PLEKHH1: variants seen among roughly 807,000 people sequenced by gnomAD.
PLEKHH1 encodes pleckstrin homology, MyTH4 and FERM domain containing H1, also known as pleckstrin homology domain-containing family H member 1.
PLEKHH1 carries 104 observed loss-of-function variants against 160.0 expected under a neutral mutation model. The observed-to-expected ratio is 0.65, with a 90% CI of 0.55 to 0.76. PLEKHH1 has a LOEUF of 0.76. Among genes scored for constraint, PLEKHH1 ranks in the 30% least tolerant of loss-of-function variants. The pLI is 0.00. For missense variants in PLEKHH1, 1,427 were observed against 1,724.1 expected (o/e 0.83, Z 3.05); for synonymous variants, 619 against 678.4 (o/e 0.91, Z 1.36).
At chr14:67,564,836 G>A (rs1229650540) in intron 7 of PLEKHH1, among the ~76,000 whole-genome samples, 9 of 151,912 alleles carry the variant, frequency 5.9e-5, no homozygotes, top group African/African-American at 1.7e-4. Context: ...CTACAGGCAT[G>A]CACCACCATG....
rs778748352 is a variant in PLEKHH1 at position 67,582,095 on chromosome 14, G to A, written c.3311G>A (p.Gly1104Glu). 2 of 1,612,366 alleles carry A rather than the reference G, an allele frequency of 1.2e-6. No individual in the cohort carries two copies. The highest frequency in any genetic ancestry group is 1.7e-6 in the Non-Finnish European group (2 of 1,179,406). ...NRLYFRSQVK[G>E]ETDRERLLLA... ...CTGTACTTTCGCAGTCAAGTCAAAG[G>A]GGAGACGGACCGAGAACGGCTGCTC... The change falls in exon 24 of 29, where the codon GGG becomes GAG. Residue 1104 changes from glycine to glutamate, a missense_variant. Gly to Glu is a moderately conservative substitution (Grantham distance 98). Around this residue, in one of 6 missense-constraint regions of PLEKHH1, gnomAD observed 436 missense variants for 607.5 expected, o/e 0.72. Transcript: ENST00000329153. This position sits in a 1 kb window ranked among gnomAD's most constrained non-coding sequence, Gnocchi z 5.0.
At chr14:67,538,235 A>G (rs2033819326) in intron 1 of PLEKHH1, among the ~76,000 whole-genome samples, 1 of 152,194 alleles carries the variant, frequency 6.6e-6, no homozygotes, top group South Asian at 2.1e-4. Context: ...GATATCTGCT[A>G]CCACTACTGA....
intron 1 of PLEKHH1, among the ~76,000 whole-genome samples, chr14:67,540,869 C>A (rs978283776): frequency 6.6e-6 from 1 of 152,292 alleles, no homozygotes; most frequent in African/African-American, 2.4e-5. Flanking sequence ...ATGCATCCTT[C>A]TTCCTTTTCT....
At chr14:67,569,774 G>A in intron 8 of PLEKHH1, 147 bp from the exon 9 acceptor site, 1 of 645,112 alleles carries the variant, frequency 1.6e-6, no homozygotes, top group Non-Finnish European at 2.8e-6. Context: ...GTCAAGGGGA[G>A]AAGATGAACA....
At position 67,574,152 on chromosome 14, in the gene PLEKHH1, G is replaced by C; in HGVS notation, c.1927-90G>C. 8.3e-7 allele frequency: 1 copy of C among 1,202,610 alleles called. No individual in the cohort carries two copies. The highest frequency in any genetic ancestry group is 2.5e-5 in the East Asian group (1 of 39,256). 74.5% of individuals were successfully genotyped at this position (1,202,610 alleles called of 1,614,324 possible). ...GGGCAGGCAGAAGGCCAGCCCCTTGGGTTCAGGGACAGGTGCCACCTCGGA... is the reference window on the plus strand; with the variant it reads ...GGGCAGGCAGAAGGCCAGCCCCTTGCGTTCAGGGACAGGTGCCACCTCGGA... On this transcript the variant is annotated intron_variant, in intron 13 of 28. Transcript: ENST00000329153. The surrounding 1 kb of genome is among the most constrained non-coding windows in gnomAD (Gnocchi z 4.2).
At chr14:67,553,556 C>T (rs2034479664) in intron 2 of PLEKHH1, among the ~76,000 whole-genome samples, 1 of 152,164 alleles carries the variant, frequency 6.6e-6, no homozygotes. Flanking sequence ...TTCCAGATTC[C>T]TGGAGAGAGA....
In PLEKHH1 at chr14:67,555,907, G is replaced by A. The variant is rs769040881; in HGVS notation, c.189+20G>A. 8.7e-6 allele frequency: 14 copies of A among 1,611,614 alleles called. No individual in the cohort carries two copies. The highest frequency in any genetic ancestry group is 3.4e-4 in the Middle Eastern group (2 of 5,968). On this transcript the variant is annotated intron_variant, in intron 3 of 28. Coordinates refer to ENST00000329153, the MANE Select transcript of PLEKHH1 (RefSeq NM_020715.3). Reference sequence around the variant, plus strand: ...ACCCAGGTAACCAGGGGAGGGGATCGGCGGGAATATGCAGGGGAATGACCG... The same window carrying A: ...ACCCAGGTAACCAGGGGAGGGGATCAGCGGGAATATGCAGGGGAATGACCG...
At chr14:67,551,705 A>G (rs1354670119) in intron 2 of PLEKHH1, among the ~76,000 whole-genome samples, 4 of 152,130 alleles carry the variant, frequency 2.6e-5, no homozygotes, top group African/African-American at 7.2e-5. Flanking sequence ...CCTGACCAGC[A>G]TGGAGAAACC....
Position 67,571,752 on chromosome 14 carries a change from AG to A in PLEKHH1, c.1436del (p.Arg479LysfsTer42), listed in dbSNP as rs763177069. On this transcript the variant is annotated frameshift_variant and splice_region_variant, in exon 10 of 29. Coordinates refer to ENST00000329153, the MANE Select transcript of PLEKHH1 (RefSeq NM_020715.3). LOFTEE classifies it high-confidence loss of function. ...TVPVYTALKG[R>X]ATQISNMPFM... ...AGTGAGGGAGGGGCCTGTCTTGCAGAGAGCTACACAGATCAGCAACATGCCC... is the reference window on the plus strand; with the variant it reads ...AGTGAGGGAGGGGCCTGTCTTGCAGAAGCTACACAGATCAGCAACATGCCC... 1 of 1,611,858 alleles carries A rather than the reference AG, an allele frequency of 6.2e-7. No individual in the cohort carries two copies. Among genetic ancestry groups the A allele is most frequent in the South Asian group, 1.1e-5 (1 of 90,988 alleles).
At chr14:67,546,191 A>G (rs979210618) in intron 2 of PLEKHH1, among the ~76,000 whole-genome samples, 7 of 152,164 alleles carry the variant, frequency 4.6e-5, no homozygotes, top group African/African-American at 1.4e-4. Flanking sequence ...TGTAGGGTCA[A>G]CGCCGGGGGA....
In PLEKHH1 at chr14:67,585,608, T is replaced by C. The variant is rs745881875; in HGVS notation, c.3740T>C (p.Ile1247Thr). The C allele has an allele frequency of 1.1e-5, 18 of 1,585,354 alleles. No homozygotes were observed. In the East Asian group the frequency reaches 2.1e-4, roughly 18 times the overall value. Reference protein sequence around the residue: ...LSSKENALVWIAVNEDGVSIL... With the variant: ...LSSKENALVWTAVNEDGVSIL... ...TCCAAGGAGAACGCTCTGGTGTGGATTGCTGTGAATGAGGATGGCGTCAGC... is the reference window on the plus strand; with the variant it reads ...TCCAAGGAGAACGCTCTGGTGTGGACTGCTGTGAATGAGGATGGCGTCAGC... The change falls in exon 27 of 29, where the codon ATT becomes ACT. Residue 1247 changes from isoleucine to threonine, a missense_variant. Physicochemically the swap from Ile to Thr is moderately conservative, Grantham distance 89 (BLOSUM62 -1). This residue lies in a region of PLEKHH1 where 56 missense variants were observed against 53.0 expected (regional missense o/e 1.06). Transcript: ENST00000329153.
chr14:67,589,446 AG>A lies in PLEKHH1; in HGVS notation c.*2212del. On this transcript the variant is annotated 3_prime_UTR_variant, in exon 29 of 29. Transcript: ENST00000329153. Reference sequence around the variant, plus strand: ...TGAACTGATATAAAAAAAAATGCTGAGTAACAGAAAAGTATTAATGTGCTTG... The same window carrying A: ...TGAACTGATATAAAAAAAAATGCTGATAACAGAAAAGTATTAATGTGCTTG... 1.0e-6 allele frequency: 1 copy of A among 985,396 alleles called. No homozygotes were observed. Among genetic ancestry groups the A allele is most frequent in the Non-Finnish European group, 1.2e-6 (1 of 829,880 alleles). 61.0% of individuals were successfully genotyped at this position (985,396 alleles called of 1,614,324 possible).
At chr14:67,569,275 C>A in intron 8 of PLEKHH1, 59 bp downstream of exon 8, 1 of 1,268,340 alleles carries the variant, frequency 7.9e-7, no homozygotes, top group Non-Finnish European at 1.2e-6. Context: ...GGTGGGCAAG[C>A]GGGGAGGAGA....
At chr14:67,585,267 C>T (rs1195806990) in intron 26 of PLEKHH1, 1 of 305,270 alleles carries the variant, frequency 3.3e-6, no homozygotes, top group Non-Finnish European at 6.1e-6. Context: ...TTCTGTAGCA[C>T]AGAGCTTTCC....
Position 67,576,526 on chromosome 14 carries a change from T to C in PLEKHH1, c.2461+23T>C. On this transcript the variant is annotated intron_variant, in intron 17 of 28. Transcript: ENST00000329153. This position sits in a 1 kb window ranked among gnomAD's most constrained non-coding sequence, Gnocchi z 4.0. Reference sequence around the variant, plus strand: ...CAGGTAAGGCAAGGGTGGCCACCACTGCTTGGGTTGGAGGGTAGTGGCTTG... The same window carrying C: ...CAGGTAAGGCAAGGGTGGCCACCACCGCTTGGGTTGGAGGGTAGTGGCTTG... 8.4e-7 allele frequency: 1 copy of C among 1,187,190 alleles called. No individual in the cohort carries two copies. Among genetic ancestry groups the C allele is most frequent in the South Asian group, 1.2e-5 (1 of 81,802 alleles). 73.5% of individuals were successfully genotyped at this position (1,187,190 alleles called of 1,614,324 possible). A position where few individuals can be genotyped will look rare whatever the true frequency, so the allele number is the denominator to read the frequency against.
intron 2 of PLEKHH1, among the ~76,000 whole-genome samples, chr14:67,545,713 A>T (rs2034150412): frequency 1.3e-5 from 2 of 152,250 alleles, no homozygotes; most frequent in Admixed American, 1.3e-4. Context: ...GGAATACTAC[A>T]TTGCAATTAA....
Position 67,582,159 on chromosome 14 carries a change from G to A in PLEKHH1, c.3375G>A (p.Arg1125=). 6.2e-7 allele frequency: 1 copy of A among 1,613,602 alleles called. No homozygotes were observed. The highest frequency in any genetic ancestry group is 1.1e-5 in the South Asian group (1 of 90,996). Residue 1125 remains arginine (R), a synonymous_variant, in exon 24 of 29, where the codon AGG becomes AGA. Transcript: ENST00000329153. This position sits in a 1 kb window ranked among gnomAD's most constrained non-coding sequence, Gnocchi z 5.0. ...CCAGTAGAGAGATAGTGGCAGGGAG[G>A]TTTCCTATCAACAAGGAATTGGCTC... ...SQTSREIVAG[R]FPINKELALE...
In PLEKHH1 at chr14:67,582,352, G is replaced by A. The variant is rs565269154; in HGVS notation, c.3426+142G>A. On this transcript the variant is annotated intron_variant, in intron 24 of 28. Coordinates refer to ENST00000329153, the MANE Select transcript of PLEKHH1 (RefSeq NM_020715.3). The surrounding 1 kb of genome is among the most constrained non-coding windows in gnomAD (Gnocchi z 5.0). ...TTTGCCATCTCTGGGATGGAAAGCA[G>A]CTGACTTCTACAGATCAGAGCTCCT... is the stretch of plus-strand genomic sequence containing the variant. 966 of 1,425,764 alleles carry A rather than the reference G, an allele frequency of 6.8e-4. 2 individuals carry two copies. The highest frequency in any genetic ancestry group is 8.9e-4 in the Non-Finnish European group (924 of 1,043,468). The allele number at this position is 1,425,764 out of a possible 1,614,324, so 88.3% of individuals were successfully genotyped here.
In PLEKHH1 at chr14:67,573,895, C is replaced by T. The variant is rs748188691; in HGVS notation, c.1926+8C>T. ...GGTTCACAGACGTTTCAGGTGAGCACGCTCCTGGCTGCTAGTATTTTAAAC... is the reference window on the plus strand; with the variant it reads ...GGTTCACAGACGTTTCAGGTGAGCATGCTCCTGGCTGCTAGTATTTTAAAC... On this transcript the variant is annotated splice_region_variant and intron_variant, in intron 13 of 28. Coordinates refer to ENST00000329153, the MANE Select transcript of PLEKHH1 (RefSeq NM_020715.3). The surrounding 1 kb of genome is among the most constrained non-coding windows in gnomAD (Gnocchi z 4.8). 1.7e-5 allele frequency: 27 copies of T among 1,598,412 alleles called. No individual in the cohort carries two copies. Among genetic ancestry groups the T allele is most frequent in the Middle Eastern group, 1.6e-4 (1 of 6,066 alleles).
Sources: allele counts gnomAD v4.1 joint callset (sites outside exome capture counted in the v4.1 genomes callset), GRCh38; gene constraint gnomAD v4.1.1; regional missense constraint gnomAD v4.1.1; non-coding constraint Gnocchi (gnomAD v3.1); transcripts MANE v1.5; gene names NCBI Gene and HGNC (gene_info 2026-07-23, HGNC 2026-07-21).